The following RPS6KA2 variants were observed in gnomAD, a reference collection of about 807,000 sequenced individuals.
RPS6KA2 encodes ribosomal protein S6 kinase alpha-2.
RPS6KA2 carries 42 observed loss-of-function variants against 91.8 expected under a neutral mutation model. The observed-to-expected ratio is 0.46, with a 90% CI of 0.36 to 0.59. The LOEUF is 0.59. RPS6KA2 is among the 20% of genes least tolerant of loss of function. RPS6KA2 has a pLI of 0.00. For missense variants in RPS6KA2, 798 were observed against 978.5 expected, an observed-to-expected ratio of 0.82 and a Z score of 2.46; for synonymous variants, 414 against 393.6, an observed-to-expected ratio of 1.05 and a Z score of -0.61.
chr6:166,752,143 G>T (rs9459739), intron 2 of RPS6KA2, among the ~76,000 whole-genome samples: 45,647 of 152,224 alleles, frequency 0.3, 7,181 homozygotes, highest in Admixed American at 0.37. Context: ...TTTAAATAAA[G>T]ACATCGTTTC....
intron 8 of RPS6KA2, 82 bp downstream of exon 8, chr6:166,498,426 G>A (rs376996973): frequency 3.0e-5 from 43 of 1,447,700 alleles, no homozygotes; most frequent in Admixed American, 1.3e-4. Flanking sequence ...TCCGCATTTC[G>A]GGACCTCTGA....
chr6:166,720,750 T>C (rs927783920), intron 2 of RPS6KA2, among the ~76,000 whole-genome samples: 6 of 152,232 alleles, frequency 3.9e-5, no homozygotes, highest in African/African-American at 1.4e-4. Flanking sequence ...ATCCTCATTA[T>C]GGACAGAGTA....
upstream of RPS6KA2, among the ~76,000 whole-genome samples, chr6:166,631,491 C>T (rs1057007407): frequency 6.6e-6 from 1 of 152,268 alleles, no homozygotes; most frequent in Non-Finnish European, 1.5e-5. Context: ...CCTCCCCCGC[C>T]AGCCCGCTGT....
At chr6:166,670,953 T>G (rs1788455319) in intron 2 of RPS6KA2, among the ~76,000 whole-genome samples, 1 of 152,192 alleles carries the variant, frequency 6.6e-6, no homozygotes, top group South Asian at 2.1e-4. Context: ...CCTGAGCAGC[T>G]GGGATTACAG....
chr6:166,450,449 C>CACCACGGGACA lies in RPS6KA2; in HGVS notation c.1206+653_1206+654insTGTCCCGTGGT, dbSNP rs1239842094. ...CCACCATGGGGACCACCACAGGAAC[C>CACCACGGGACA]ACCATGAGGACCACCATGGCTACCA... On this transcript the variant is annotated intron_variant, in intron 13 of 20. Coordinates refer to ENST00000265678, the MANE Select transcript of RPS6KA2 (RefSeq NM_021135.6). Among the ~76,000 whole-genome samples, 3 of 149,732 alleles carry CACCACGGGACA rather than the reference C, an allele frequency of 2.0e-5. No individual in the cohort carries two copies. The East Asian group carries it at 6.0e-4, about 30-fold the overall frequency.
chr6:166,824,871 GTGTATGTCTGTA>G (rs1780011377), intron 2 of RPS6KA2, among the ~76,000 whole-genome samples: 1 of 152,136 alleles, frequency 6.6e-6, no homozygotes, highest in South Asian at 2.1e-4. Context: ...GTGTCTGTGT[GTGTATGTCTGTA>G]TGTATGTCTG....
rs1347904466 is a variant in RPS6KA2, at chr6:166,728,418, G to A, written c.123+129782C>T. Among the ~76,000 whole-genome samples the A allele has an allele frequency of 7.2e-5, 11 of 152,144 alleles. No individual in the cohort carries two copies. In the East Asian group the frequency reaches 1.5e-3, roughly 21 times the overall value. On this transcript the variant is annotated intron_variant, in intron 2 of 21. Transcript: ENST00000503859. Reference sequence around the variant, plus strand: ...GTAAGAAACTGCTGTCCCAGGGAGCGTTGCAGTGGATAAAAAAGAGTCACC... The same window carrying A: ...GTAAGAAACTGCTGTCCCAGGGAGCATTGCAGTGGATAAAAAAGAGTCACC...
chr6:166,590,435 C>G (rs1280969604), intron 1 of RPS6KA2, among the ~76,000 whole-genome samples: 1 of 152,166 alleles, frequency 6.6e-6, no homozygotes, highest in African/African-American at 2.4e-5. Flanking sequence ...CAGGGCTGGG[C>G]ACACCTAAAG....
chr6:166,684,695 G>A (rs1273813343), intron 2 of RPS6KA2, among the ~76,000 whole-genome samples: 1 of 152,158 alleles, frequency 6.6e-6, no homozygotes, highest in East Asian at 1.9e-4. Context: ...TCCGGCAGAT[G>A]CCGTTGGATG....
At position 166,492,493 on chromosome 6, in the gene RPS6KA2, C is replaced by T. The variant is rs556717271; in HGVS notation, c.748-1752G>A. Among the ~76,000 whole-genome samples, 16 of 152,256 alleles carry T rather than the reference C, an allele frequency of 1.1e-4. No homozygotes were observed. In the South Asian group the frequency reaches 3.3e-3, roughly 32 times the overall value. On this transcript the variant is annotated intron_variant, in intron 8 of 20. Coordinates refer to ENST00000265678, the MANE Select transcript of RPS6KA2 (RefSeq NM_021135.6). Reference sequence around the variant, plus strand: ...GGTATTAGCAAAGGGAACTCCTTTCCTATTCTGCTCTTTCTTCTTTCTTTC... The same window carrying T: ...GGTATTAGCAAAGGGAACTCCTTTCTTATTCTGCTCTTTCTTCTTTCTTTC...
intron 2 of RPS6KA2, among the ~76,000 whole-genome samples, chr6:166,723,215 G>A (rs1370333220): frequency 6.6e-6 from 1 of 152,218 alleles, no homozygotes; most frequent in Non-Finnish European, 1.5e-5. Context: ...TGCCATCCTG[G>A]CTCAGTGCCC....
chr6:166,498,587 A>T lies in RPS6KA2; in HGVS notation c.668T>A (p.Ile223Asn), dbSNP rs1456317510. The part of the protein sequence containing the change: ...DKRAYSFCGT[I>N]EYMAPEVVNR... ...CACCACCTCGGGCGCCATGTACTCG[A>T]TCGTCCCGCAGAAGGAGTACGCTCT... Residue 223 changes from isoleucine (I) to asparagine (N), a missense_variant, in exon 8 of 21, where the codon ATC becomes AAC. Ile to Asn is a moderately radical substitution (Grantham distance 149). Coordinates refer to ENST00000265678, the MANE Select transcript of RPS6KA2 (RefSeq NM_021135.6). 6.2e-7 allele frequency: 1 copy of T among 1,613,726 alleles called. No individual in the cohort carries two copies. The highest frequency in any genetic ancestry group is 8.5e-7 in the Non-Finnish European group (1 of 1,179,972).
chr6:166,587,666 T>TTTTTTA (rs10651328), intron 1 of RPS6KA2, among the ~76,000 whole-genome samples: 26 of 149,004 alleles, frequency 1.7e-4, no homozygotes, highest in African/African-American at 4.2e-4. Context: ...AAAATAAATA[T>TTTTTTA]TATATATATA....
At chr6:166,681,684 C>G (rs1288553129) in intron 2 of RPS6KA2, among the ~76,000 whole-genome samples, 2 of 30,016 alleles carry the variant, frequency 6.7e-5, no homozygotes, top group African/African-American at 4.1e-4. Context: ...GGATCTCCCC[C>G]TGCCCGCCCC....
chr6:166,562,290 G>A (rs1001352351), intron 1 of RPS6KA2, among the ~76,000 whole-genome samples: 28 of 152,188 alleles, frequency 1.8e-4, no homozygotes, highest in Admixed American at 1.4e-3. Context: ...TACCTACCTC[G>A]TGGAGTTAAT....
At chr6:166,592,337 G>A (rs1374450684) in intron 1 of RPS6KA2, among the ~76,000 whole-genome samples, 1 of 152,230 alleles carries the variant, frequency 6.6e-6, no homozygotes, top group Non-Finnish European at 1.5e-5. Context: ...CCGGTGTGGT[G>A]CTGTGAGGGG....
chr6:166,826,753 T>C (rs181455913), intron 2 of RPS6KA2, among the ~76,000 whole-genome samples: 22 of 152,330 alleles, frequency 1.4e-4, no homozygotes, highest in Admixed American at 1.2e-3. Flanking sequence ...GAGGGACATA[T>C]ATGAAATTCA....
At chr6:166,748,252 G>C (rs1791084989) in intron 2 of RPS6KA2, among the ~76,000 whole-genome samples, 1 of 152,146 alleles carries the variant, frequency 6.6e-6, no homozygotes, top group African/African-American at 2.4e-5. Flanking sequence ...GGCAGCCCGG[G>C]AGGGAGTGCG....
chr6:166,852,269 A>G lies in RPS6KA2; in HGVS notation c.123+5931T>C, dbSNP rs146244146. ...CCACAGAGACAGATTCACAGGAGGT[A>G]ATAAGCAGGGCCTGGAAGATTGTTT... On this transcript the variant is annotated intron_variant, in intron 2 of 21. Coordinates refer to the RPS6KA2 transcript ENST00000503859. This position sits in a 1 kb window ranked among gnomAD's most constrained non-coding sequence, Gnocchi z 4.1. Among the ~76,000 whole-genome samples the G allele has an allele frequency of 6.6e-4, 100 of 152,334 alleles. 4 individuals carry two copies. The highest frequency in any genetic ancestry group is 1.9e-4 in the Non-Finnish European group (13 of 68,028).
Sources: gnomAD v4.1 joint callset for allele counts (sites outside exome capture counted in the v4.1 genomes callset) on GRCh38, gnomAD v4.1.1 for gene constraint, Gnocchi (gnomAD v3.1) non-coding constraint, MANE v1.5 for transcripts, NCBI Gene and HGNC (gene_info 2026-07-23, HGNC 2026-07-21) for gene names.